Variants in DAB1 observed in about 807,000 individuals in gnomAD.
DAB1 encodes the protein disabled homolog 1.
Under a neutral mutation model 64.6 loss-of-function variants are expected in DAB1, and 15 were observed. The observed-to-expected ratio is 0.23, with a 90% CI of 0.16 to 0.36. The LOEUF (loss-of-function observed/expected upper bound fraction) is 0.36, where lower values mean the gene tolerates loss of function less well. Among genes scored for constraint, DAB1 ranks in the 10% least tolerant of loss-of-function variants. The pLI is 1.00. For missense variants in DAB1, 596 were observed against 706.7 expected (o/e 0.84, Z 1.78); for synonymous variants, 235 against 251.9 (o/e 0.93, Z 0.64).
intron 5 of DAB1, chr1:58,056,092 C>G: frequency 1.1e-6 from 1 of 936,290 alleles, no homozygotes; most frequent in Non-Finnish European, 1.7e-6. Context: ...TTATTTTTCT[C>G]CAGAGAATAG....
chr1:58,375,145 C>T (rs1383163729), intron 3 of DAB1, among the ~76,000 whole-genome samples: 6 of 150,034 alleles, frequency 4.0e-5, no homozygotes, highest in Admixed American at 3.3e-4. Flanking sequence ...ATTTGACTTG[C>T]TCTTTTCCTA....
In DAB1 at chr1:57,015,386, T is replaced by G. The variant is rs960187825; in HGVS notation, c.941A>C (p.Gln314Pro). The change falls in exon 12 of 15, where the codon CAG (glutamine) becomes CCG (proline). Residue 314 changes from glutamine (Q) to proline (P), a missense_variant. Around this residue, in one of 3 missense-constraint regions of DAB1, gnomAD observed 377 missense variants for 400.4 expected, o/e 0.94. Transcript: ENST00000371236. ...GAVLPSFWGQQPLVQQQMVMG... is the reference protein window; with the variant it reads ...GAVLPSFWGQPPLVQQQMVMG... ...GACCATCTGCTGTTGGACGAGGGGC[T>G]GCTGACCCCAGAAGGACGGGAGGAC... 1.2e-6 allele frequency: 2 copies of G among 1,613,910 alleles called. No individual in the cohort carries two copies. The highest frequency in any genetic ancestry group is 2.7e-5 in the African/African-American group (2 of 75,032).
At chr1:57,086,706 C>T (rs1024241498) in intron 4 of DAB1, among the ~76,000 whole-genome samples, 8 of 141,584 alleles carry the variant, frequency 5.7e-5, no homozygotes, top group Admixed American at 2.8e-4. Flanking sequence ...ACCTGAATGG[C>T]GGGGGGAGGG....
At chr1:57,472,917 T>C (rs1687193406) in intron 7 of DAB1, among the ~76,000 whole-genome samples, 1 of 152,198 alleles carries the variant, frequency 6.6e-6, no homozygotes, top group African/African-American at 2.4e-5. Flanking sequence ...TGCACTAAAA[T>C]CTTTCTTCCT....
intron 7 of DAB1, among the ~76,000 whole-genome samples, chr1:57,620,111 C>G (rs1286981833): frequency 6.6e-6 from 1 of 152,130 alleles, no homozygotes; most frequent in Admixed American, 6.5e-5. Context: ...GGCTTGCGGG[C>G]TTGTTTTCAG....
chr1:57,270,851 T>C (rs1469837324), intron 2 of DAB1, among the ~76,000 whole-genome samples: 2 of 152,080 alleles, frequency 1.3e-5, no homozygotes, highest in African/African-American at 4.8e-5. Flanking sequence ...TCCTACAAGT[T>C]TAGGATTCAA....
intron 3 of DAB1, among the ~76,000 whole-genome samples, chr1:58,429,389 C>T (rs1238334709): frequency 6.6e-6 from 1 of 152,178 alleles, no homozygotes; most frequent in Non-Finnish European, 1.5e-5. Context: ...GCACTTCAAC[C>T]TGCAGGAGTC....
At chr1:57,317,462 C>A (rs765115222) in intron 1 of DAB1, among the ~76,000 whole-genome samples, 3 of 152,098 alleles carry the variant, frequency 2.0e-5, no homozygotes, top group Non-Finnish European at 4.4e-5. Context: ...TTTTTAGTCA[C>A]GTAAATAGAA....
chr1:57,463,491 C>A (rs1198059588), intron 7 of DAB1, among the ~76,000 whole-genome samples: 1 of 152,082 alleles, frequency 6.6e-6, no homozygotes, highest in Non-Finnish European at 1.5e-5. Flanking sequence ...ATTCAATGCT[C>A]AAAATATATT....
intron 3 of DAB1, among the ~76,000 whole-genome samples, chr1:58,379,411 T>C (rs1423292234): frequency 6.6e-6 from 1 of 152,186 alleles, no homozygotes; most frequent in Non-Finnish European, 1.5e-5. Flanking sequence ...TGCTATACCC[T>C]CTAGCCATGG....
chr1:58,309,643 T>C (rs1338398993), intron 4 of DAB1, among the ~76,000 whole-genome samples: 1 of 152,158 alleles, frequency 6.6e-6, no homozygotes, highest in Non-Finnish European at 1.5e-5. Context: ...TTACCTTCCA[T>C]CTTCTAGGCA....
chr1:58,509,329 C>T (rs1483960324), intron 2 of DAB1, among the ~76,000 whole-genome samples: 1 of 151,282 alleles, frequency 6.6e-6, no homozygotes, highest in Non-Finnish European at 1.5e-5. Flanking sequence ...TCAACAAAGA[C>T]ACAGAAAATG....
intron 5 of DAB1, among the ~76,000 whole-genome samples, chr1:57,895,417 C>T (rs1265811632): frequency 1.3e-5 from 2 of 152,096 alleles, no homozygotes; most frequent in Non-Finnish European, 2.9e-5. Flanking sequence ...AGGGTTGTGG[C>T]CTTAACCATC....
chr1:57,864,233 A>G (rs1654192360), intron 1 of DAB1, among the ~76,000 whole-genome samples: 1 of 152,126 alleles, frequency 6.6e-6, no homozygotes, highest in Admixed American at 6.6e-5. Context: ...GAAGAAACAC[A>G]AGGCCTGTTA....
At chr1:58,501,283 T>C (rs1361586072) in intron 3 of DAB1, among the ~76,000 whole-genome samples, 2 of 152,340 alleles carry the variant, frequency 1.3e-5, no homozygotes, top group South Asian at 4.1e-4. Context: ...TGGGTTATCT[T>C]GACTTAAAGC....
At chr1:57,550,754 A>T (rs904391272) in intron 7 of DAB1, among the ~76,000 whole-genome samples, 1 of 152,178 alleles carries the variant, frequency 6.6e-6, no homozygotes, top group African/African-American at 2.4e-5. Flanking sequence ...CACAGACTGT[A>T]CTTTTTTGTT....
At chr1:57,872,480 T>C (rs911042478) in intron 1 of DAB1, among the ~76,000 whole-genome samples, 12 of 152,192 alleles carry the variant, frequency 7.9e-5, no homozygotes, top group Non-Finnish European at 1.3e-4. Flanking sequence ...GAGAAATAAA[T>C]TTCTGTTGTT....
intron 7 of DAB1, among the ~76,000 whole-genome samples, chr1:57,488,396 C>T (rs1214927612): frequency 7.1e-4 from 88 of 124,512 alleles, no homozygotes; most frequent in African/African-American, 2.6e-3. Flanking sequence ...AGCCAGATTC[C>T]GTCTCAAAAA....
intron 1 of DAB1, among the ~76,000 whole-genome samples, chr1:57,844,420 G>A (rs1653187451): frequency 6.6e-6 from 1 of 152,206 alleles, no homozygotes; most frequent in Non-Finnish European, 1.5e-5. Context: ...AGACCAGCAA[G>A]GCATTTGGCA....
Sources: allele counts gnomAD v4.1 joint callset (sites outside exome capture counted in the v4.1 genomes callset), GRCh38; gene constraint gnomAD v4.1.1; regional missense constraint gnomAD v4.1.1; transcripts MANE v1.5; gene names NCBI Gene and HGNC (gene_info 2026-07-23, HGNC 2026-07-21).